PHF24: variants seen among roughly 807,000 people sequenced by gnomAD.
The protein encoded by PHF24 is Galpha inhibitory interacting protein.
Under a neutral mutation model 42.6 loss-of-function variants are expected in PHF24, and 25 were observed. That is an observed-to-expected ratio of 0.59 (90% CI 0.43 to 0.82). The LOEUF is 0.82. PHF24 is among the 40% of genes least tolerant of loss of function. The pLI is 0.00. For synonymous variants in PHF24, 185 were observed against 204.8 expected (o/e 0.90, Z 0.83); for missense variants, 470 against 538.1 (o/e 0.87, Z 1.25).
At chr9:34,793,037 C>T in the PHF24 span, among the ~76,000 whole-genome samples, 2 of 151,948 alleles carry the variant, frequency 1.3e-5, no homozygotes, top group Admixed American at 1.3e-4. Flanking sequence ...CTTATAAAAT[C>T]ATAAAATATT....
At chr9:34,935,992 C>T in the PHF24 span, among the ~76,000 whole-genome samples, 9 of 149,966 alleles carry the variant, frequency 6.0e-5, no homozygotes, top group East Asian at 2.0e-4. Flanking sequence ...AATAAGAGTC[C>T]TCAAAAAAAA....
At chr9:34,704,156 C>T in the PHF24 span, among the ~76,000 whole-genome samples, 38 of 151,860 alleles carry the variant, frequency 2.5e-4, no homozygotes, top group African/African-American at 8.0e-4. Context: ...GCCTCCAAGT[C>T]GCTAGGACAA....
At chr9:34,978,156 CTCCTT>C (rs765465451) in exon 8 of PHF24, 3 of 1,442,704 alleles carry the variant, frequency 2.1e-6, no homozygotes, top group South Asian at 1.1e-5. Context: ...CATCCTCTCC[CTCCTT>C]TCCTTTCTCC....
the PHF24 span, among the ~76,000 whole-genome samples, chr9:34,903,530 C>T: frequency 0.2 from 31,153 of 152,198 alleles, 3,328 homozygotes; most frequent in South Asian, 0.29. Flanking sequence ...TGTGCCACTG[C>T]ATTCCAGCCC....
the PHF24 span, among the ~76,000 whole-genome samples, chr9:34,821,279 A>C: frequency 2.0e-5 from 3 of 151,778 alleles, no homozygotes; most frequent in Non-Finnish European, 2.9e-5. Context: ...CATTTTATTT[A>C]TTTCTTTCTC....
chr9:34,812,871 G>T, the PHF24 span, among the ~76,000 whole-genome samples: 1 of 152,150 alleles, frequency 6.6e-6, no homozygotes, highest in Non-Finnish European at 1.5e-5. Context: ...CTTTTTCTGT[G>T]AAACCCACTG....
chr9:34,700,836 G>T, the PHF24 span, among the ~76,000 whole-genome samples: 1 of 152,200 alleles, frequency 6.6e-6, no homozygotes, highest in South Asian at 2.1e-4. Context: ...TGGCAGTCAG[G>T]GTGTTCCGAA....
the PHF24 span, among the ~76,000 whole-genome samples, chr9:34,719,525 T>C: frequency 6.6e-6 from 1 of 152,222 alleles, no homozygotes; most frequent in African/African-American, 2.4e-5. Flanking sequence ...CTCTCAACTT[T>C]GCTGAGAACT....
the PHF24 span, among the ~76,000 whole-genome samples, chr9:34,743,984 CT>C: frequency 6.6e-6 from 1 of 152,182 alleles, no homozygotes; most frequent in African/African-American, 2.4e-5. Flanking sequence ...ACAACTTACT[CT>C]CATGGTAACT....
chr9:34,915,676 G>A, the PHF24 span, among the ~76,000 whole-genome samples: 5 of 152,286 alleles, frequency 3.3e-5, no homozygotes, highest in South Asian at 2.1e-4. Context: ...GGTAAGGATC[G>A]TCTGGGATAT....
the PHF24 span, among the ~76,000 whole-genome samples, chr9:34,853,784 C>T: frequency 8.9e-5 from 13 of 145,938 alleles, 1 homozygote; most frequent in East Asian, 1.8e-3. Flanking sequence ...GCCGAGATCC[C>T]GCCACTGCAC....
At chr9:34,831,656 T>G in the PHF24 span, among the ~76,000 whole-genome samples, 12 of 152,204 alleles carry the variant, frequency 7.9e-5, no homozygotes, top group Non-Finnish European at 1.6e-4. Context: ...TGGTCAGGCA[T>G]GAGAATCAAC....
At chr9:34,936,568 C>A in the PHF24 span, among the ~76,000 whole-genome samples, 12 of 150,802 alleles carry the variant, frequency 8.0e-5, no homozygotes, top group African/African-American at 2.9e-4. Context: ...CCTGGCTGCC[C>A]AGTCTGGAAA....
At chr9:34,931,092 A>C in the PHF24 span, among the ~76,000 whole-genome samples, 1 of 152,132 alleles carries the variant, frequency 6.6e-6, no homozygotes, top group South Asian at 2.1e-4. Flanking sequence ...GAATGGTATA[A>C]TGAGGCCGAG....
chr9:34,728,631 T>A, the PHF24 span: 2 of 1,551,240 alleles, frequency 1.3e-6, no homozygotes, highest in Non-Finnish European at 1.7e-6. Context: ...CATCTCTAGC[T>A]CTTTGCCTGA....
chr9:34,709,596 T>C, the PHF24 span: 5 of 1,614,206 alleles, frequency 3.1e-6, no homozygotes, highest in Non-Finnish European at 4.2e-6. Flanking sequence ...GGATGGTGTC[T>C]TGTCCAGATG....
chr9:34,691,277 G>A, the PHF24 span: 1 of 636,982 alleles, frequency 1.6e-6, no homozygotes, highest in Admixed American at 2.8e-5. Context: ...GGCTGGGAAT[G>A]TGAGCCCTGC....
the PHF24 span, among the ~76,000 whole-genome samples, chr9:34,678,914 G>T: frequency 6.6e-6 from 1 of 152,214 alleles, no homozygotes; most frequent in African/African-American, 2.4e-5. Context: ...ACAGGCCTGA[G>T]CCATCACACC....
At chr9:34,748,910 CAG>C in the PHF24 span, among the ~76,000 whole-genome samples, 1 of 151,880 alleles carries the variant, frequency 6.6e-6, no homozygotes, top group African/African-American at 2.4e-5. Flanking sequence ...ACTTTTCAGA[CAG>C]AGAATTCAAA....
Sources: allele counts gnomAD v4.1 joint callset (sites outside exome capture counted in the v4.1 genomes callset), GRCh38; gene constraint gnomAD v4.1.1; transcripts MANE v1.5; gene names NCBI Gene and HGNC (gene_info 2026-07-23, HGNC 2026-07-21).